The following SGCZ variants were observed in gnomAD, a reference collection of about 807,000 sequenced individuals.
SGCZ encodes zeta-sarcoglycan.
SGCZ carries 40 observed loss-of-function variants against 41.3 expected under a neutral mutation model. The observed-to-expected ratio is 0.97, with a 90% CI of 0.75 to 1.26. The LOEUF (loss-of-function observed/expected upper bound fraction) is 1.26, where lower values mean the gene tolerates loss of function less well. SGCZ is among the 50% of genes most tolerant of loss of function. The pLI is 0.00. For missense variants in SGCZ, 552 were observed against 369.8 expected (o/e 1.49, Z -4.04); for synonymous variants, 206 against 137.5 (o/e 1.50, Z -3.49).
chr8:14,235,695 GT>G (rs908140084), intron 4 of SGCZ, among the ~76,000 whole-genome samples: 3 of 151,948 alleles, frequency 2.0e-5, no homozygotes, highest in African/African-American at 7.3e-5. Flanking sequence ...CTTAATTTAC[GT>G]TTTTTTGAGA....
chr8:14,128,398 A>T (rs1802930628), intron 5 of SGCZ, among the ~76,000 whole-genome samples: 1 of 152,210 alleles, frequency 6.6e-6, no homozygotes, highest in Admixed American at 6.5e-5. Flanking sequence ...AAAACTTGAA[A>T]ATAACACATT....
At position 14,102,407 on chromosome 8, in the gene SGCZ, T is replaced by C. The variant is rs148638173; in HGVS notation, c.713A>G (p.Lys238Arg). ...TTCTGTAGATTGCAGATGGAGCTCC[T>C]TCCTGCAGGTGGCCTTGAAGTCTCC... ...AAGDFKATCR[K>R]ELHLQSTEGE... The change falls in exon 7 of 8, where the codon AAG becomes AGG. Residue 238 changes from lysine (K) to arginine (R), a missense_variant. Lys to Arg is a conservative substitution (Grantham distance 26). Coordinates refer to ENST00000382080, the MANE Select transcript of SGCZ (RefSeq NM_139167.4). 933 of 1,526,124 alleles carry C rather than the reference T, an allele frequency of 6.1e-4. 4 individuals are homozygous for C. Among genetic ancestry groups the C allele is most frequent in the Middle Eastern group, 4.5e-3 (24 of 5,342 alleles). 94.5% of individuals were successfully genotyped at this position (1,526,124 alleles called of 1,614,324 possible).
chr8:14,442,012 C>T (rs1800285832), intron 2 of SGCZ, among the ~76,000 whole-genome samples: 5 of 152,254 alleles, frequency 3.3e-5, no homozygotes, highest in Admixed American at 3.3e-4. Flanking sequence ...ATACATTCCC[C>T]TGCTGGGGAT....
At chr8:14,397,528 G>T (rs1798953224) in intron 2 of SGCZ, among the ~76,000 whole-genome samples, 1 of 152,014 alleles carries the variant, frequency 6.6e-6, no homozygotes, top group Non-Finnish European at 1.5e-5. Context: ...GTAACTCCCT[G>T]TTCCACTGTA....
intron 1 of SGCZ, among the ~76,000 whole-genome samples, chr8:15,124,704 T>G (rs1157791966): frequency 1.3e-5 from 2 of 152,240 alleles, no homozygotes; most frequent in Non-Finnish European, 2.9e-5. Flanking sequence ...CCAACCTAAT[T>G]TTTTAAAATT....
At chr8:14,411,217 A>G (rs1299752417) in intron 2 of SGCZ, among the ~76,000 whole-genome samples, 1 of 152,142 alleles carries the variant, frequency 6.6e-6, no homozygotes, top group Non-Finnish European at 1.5e-5. Context: ...TTCTCTCCTT[A>G]GAAACAGCCC....
intron 3 of SGCZ, among the ~76,000 whole-genome samples, chr8:14,238,147 G>C (rs1248638679): frequency 1.3e-5 from 2 of 152,142 alleles, no homozygotes; most frequent in Non-Finnish European, 2.9e-5. Flanking sequence ...AACTCCCAAT[G>C]TCCATTTAGT....
At chr8:14,638,650 G>C (rs1806914650) in intron 1 of SGCZ, among the ~76,000 whole-genome samples, 1 of 151,684 alleles carries the variant, frequency 6.6e-6, no homozygotes, top group Non-Finnish European at 1.5e-5. Flanking sequence ...TCAGGACTAT[G>C]AACTCCTGTA....
intron 1 of SGCZ, among the ~76,000 whole-genome samples, chr8:14,567,106 C>G (rs1196107480): frequency 1.3e-5 from 2 of 152,212 alleles, no homozygotes; most frequent in Non-Finnish European, 2.9e-5. Flanking sequence ...TGCAGCCCGC[C>G]ATGCCTGAGC....
intron 1 of SGCZ, among the ~76,000 whole-genome samples, chr8:14,964,093 A>C (rs1382832982): frequency 6.6e-6 from 1 of 152,226 alleles, no homozygotes; most frequent in Non-Finnish European, 1.5e-5. Context: ...AGACTAAGTC[A>C]TACACATCTG....
chr8:14,629,457 CTTTA>C (rs1268196369), intron 1 of SGCZ, among the ~76,000 whole-genome samples: 2 of 151,962 alleles, frequency 1.3e-5, no homozygotes, highest in African/African-American at 4.8e-5. Flanking sequence ...TCAAAAATAA[CTTTA>C]TTTATGGAGC....
intron 6 of SGCZ, among the ~76,000 whole-genome samples, chr8:14,106,568 T>G (rs567669102): frequency 6.6e-6 from 1 of 152,334 alleles, no homozygotes; most frequent in East Asian, 1.9e-4. Flanking sequence ...CTAAAAAATT[T>G]ACTGTTGTAA....
At chr8:15,073,541 G>A (rs945674558) in intron 1 of SGCZ, among the ~76,000 whole-genome samples, 2 of 152,128 alleles carry the variant, frequency 1.3e-5, no homozygotes, top group African/African-American at 4.8e-5. Context: ...TTACTGAGAA[G>A]GTATTTTTAG....
intron 1 of SGCZ, among the ~76,000 whole-genome samples, chr8:14,620,622 G>T (rs534602770): frequency 5.9e-4 from 90 of 152,132 alleles, no homozygotes; most frequent in Non-Finnish European, 1.3e-3. Context: ...TCAACAAGTG[G>T]GCAAAGGATA....
chr8:14,969,082 A>G (rs1041869528), intron 1 of SGCZ, among the ~76,000 whole-genome samples: 1 of 152,132 alleles, frequency 6.6e-6, no homozygotes, highest in Non-Finnish European at 1.5e-5. Context: ...AAAGCTATTG[A>G]GAAACTATGA....
chr8:14,478,001 A>G (rs1017348666), intron 2 of SGCZ, among the ~76,000 whole-genome samples: 2 of 152,228 alleles, frequency 1.3e-5, no homozygotes, highest in African/African-American at 4.8e-5. Context: ...GTAAGTGCAG[A>G]ATAATTATGA....
chr8:14,562,053 G>A (rs1313462173), intron 1 of SGCZ, among the ~76,000 whole-genome samples: 1 of 152,052 alleles, frequency 6.6e-6, no homozygotes, highest in African/African-American at 2.4e-5. Context: ...GAGCCCTAGA[G>A]AATTCTGGTG....
chr8:14,327,280 G>C (rs1252660230), intron 2 of SGCZ, among the ~76,000 whole-genome samples: 1 of 152,206 alleles, frequency 6.6e-6, no homozygotes, highest in Non-Finnish European at 1.5e-5. Context: ...GTAGATTTAA[G>C]AAGACAGAGA....
At chr8:14,140,609 A>G (rs1236324591) in intron 5 of SGCZ, among the ~76,000 whole-genome samples, 1 of 152,220 alleles carries the variant, frequency 6.6e-6, no homozygotes, top group African/African-American at 2.4e-5. Context: ...AATCCAACTT[A>G]TAAGGGATGT....
Sources: gnomAD v4.1 joint callset for allele counts (sites outside exome capture counted in the v4.1 genomes callset) on GRCh38, gnomAD v4.1.1 for gene constraint, MANE v1.5 for transcripts, NCBI Gene and HGNC (gene_info 2026-07-23, HGNC 2026-07-21) for gene names.